The following PSMB3 variants were observed in gnomAD, a reference collection of about 807,000 sequenced individuals.
PSMB3 encodes proteasome 20S subunit beta 3.
Under a neutral mutation model 23.3 loss-of-function variants are expected in PSMB3, and 5 were observed. That is an observed-to-expected ratio of 0.21 (90% CI 0.11 to 0.45). The LOEUF is 0.45. PSMB3 is among the 20% of genes least tolerant of loss of function. The probability of loss-of-function intolerance (pLI) is 0.99; values close to 1 mark genes in which losing one functional copy is unlikely to be tolerated. For synonymous variants in PSMB3, 85 were observed against 99.8 expected (o/e 0.85, Z 0.88); for missense variants, 192 against 277.9 (o/e 0.69, Z 2.20).
chr17:38,757,547 T>C (rs750167906), intron 3 of PSMB3, among the ~76,000 whole-genome samples: 1 of 151,808 alleles, frequency 6.6e-6, no homozygotes, highest in Non-Finnish European at 1.5e-5. Context: ...TCGGGCGTGG[T>C]GGCTCATGCC....
intron 3 of PSMB3, among the ~76,000 whole-genome samples, chr17:38,758,827 A>C (rs1421396226): frequency 6.6e-6 from 1 of 152,196 alleles, no homozygotes. Context: ...TGGGTGGATC[A>C]CAAGGTCAGG....
At chr17:38,763,231 G>GT (rs1436607664) in intron 5 of PSMB3, among the ~76,000 whole-genome samples, 1 of 151,974 alleles carries the variant, frequency 6.6e-6, no homozygotes, top group Admixed American at 6.6e-5. Context: ...TCACGTGCCT[G>GT]TAATCCCAGC....
At chr17:38,763,503 T>C (rs1908538993) in intron 5 of PSMB3, among the ~76,000 whole-genome samples, 1 of 138,070 alleles carries the variant, frequency 7.2e-6, no homozygotes. Context: ...CCCCCTTTTT[T>C]TTTTTTTTTT....
rs1908395315 is a variant in PSMB3 at position 38,760,614 on chromosome 17, T to C, written c.474+6T>C. On this transcript the variant is annotated splice_donor_region_variant and intron_variant, in intron 4 of 5. Coordinates refer to ENST00000619426, the MANE Select transcript of PSMB3 (RefSeq NM_002795.4). ...CCCTCTGGGAGCCCAACATGGTACG[T>C]TGGTGGCATGGAGAGGGGCTGGGCT... 1.2e-6 allele frequency: 2 copies of C among 1,614,076 alleles called. No individual in the cohort carries two copies. Among genetic ancestry groups the C allele is most frequent in the South Asian group, 1.1e-5 (1 of 91,092 alleles).
rs764625412 is a variant in PSMB3, at chr17:38,764,156, C to G, written c.607C>G (p.Arg203Gly). ...DKITTRTLKARMD is the reference protein window; with the variant it reads ...DKITTRTLKAGMD ...AATCACCACCAGGACACTGAAGGCCCGAATGGACTAACCCTGTTCCCAGAG... is the reference window on the plus strand; with the variant it reads ...AATCACCACCAGGACACTGAAGGCCGGAATGGACTAACCCTGTTCCCAGAG... The change falls in exon 6 of 6, where the codon CGA becomes GGA. Residue 203 changes from arginine to glycine, a missense_variant. Coordinates refer to ENST00000619426, the MANE Select transcript of PSMB3 (RefSeq NM_002795.4). The G allele has an allele frequency of 2.5e-6, 4 of 1,614,130 alleles. No homozygotes were observed. Among genetic ancestry groups the G allele is most frequent in the Non-Finnish European group, 3.4e-6 (4 of 1,180,014 alleles).
chr17:38,762,311 C>A, intron 4 of PSMB3, 100 bp from the exon 5 acceptor site: 1 of 987,162 alleles, frequency 1.0e-6, no homozygotes, highest in Non-Finnish European at 1.6e-6. Flanking sequence ...TGTCTTGGGG[C>A]CAGAGCTGGG....
intron 2 of PSMB3, among the ~76,000 whole-genome samples, chr17:38,754,906 G>GACCTTTTT: frequency 6.6e-6 from 1 of 152,180 alleles, no homozygotes; most frequent in Middle Eastern, 3.4e-3. Context: ...GGCAAGCTGT[G>GACCTTTTT]ACCTTTTTTC....
chr17:38,764,033 G>GGCTTGGT, intron 5 of PSMB3, 86 bp from the exon 6 acceptor site: 2 of 1,530,636 alleles, frequency 1.3e-6, no homozygotes, highest in South Asian at 1.1e-5. Flanking sequence ...AGGGCTTGAG[G>GGCTTGGT]GCTTGGTGCT....
At chr17:38,759,222 AGACATAGGAT>A (rs1242656183) in intron 3 of PSMB3, among the ~76,000 whole-genome samples, 2 of 152,246 alleles carry the variant, frequency 1.3e-5, no homozygotes, top group Non-Finnish European at 2.9e-5. Context: ...GGTATTTTGT[AGACATAGGAT>A]GCAAATACAC....
intron 2 of PSMB3, among the ~76,000 whole-genome samples, chr17:38,755,660 ATATAT>A (rs138478847): frequency 0.037 from 3,796 of 101,390 alleles, 126 homozygotes; most frequent in Non-Finnish European, 0.053. Context: ...AAAAAAAAAA[ATATAT>A]ATATATATAT....
intron 4 of PSMB3, among the ~76,000 whole-genome samples, chr17:38,761,859 T>C (rs1371355817): frequency 6.6e-6 from 1 of 152,092 alleles, no homozygotes; most frequent in African/African-American, 2.4e-5. Flanking sequence ...GCAAAGACAG[T>C]GGCAGTGGGG....
chr17:38,764,149 G>A lies in PSMB3; in HGVS notation c.600G>A (p.Leu200=), dbSNP rs753423343. ...AGGACAAAATCACCACCAGGACACTGAAGGCCCGAATGGACTAACCCTGTT... is the reference window on the plus strand; with the variant it reads ...AGGACAAAATCACCACCAGGACACTAAAGGCCCGAATGGACTAACCCTGTT... ...IEKDKITTRT[L]KARMD The change falls in exon 6 of 6, where the codon CTG becomes CTA. Residue 200 remains leucine (L), a synonymous_variant. Coordinates refer to ENST00000619426, the MANE Select transcript of PSMB3 (RefSeq NM_002795.4). 3.1e-6 allele frequency: 5 copies of A among 1,614,196 alleles called. No individual in the cohort carries two copies. The highest frequency in any genetic ancestry group is 4.5e-5 in the East Asian group (2 of 44,886).
intron 2 of PSMB3, among the ~76,000 whole-genome samples, chr17:38,754,195 C>T (rs1908060379): frequency 6.6e-6 from 1 of 151,988 alleles, no homozygotes; most frequent in Non-Finnish European, 1.5e-5. Flanking sequence ...TTCGGCTGGG[C>T]GCGGTGGCTC....
intron 2 of PSMB3, chr17:38,755,196 C>G (rs1327274544): frequency 2.6e-5 from 4 of 152,148 alleles, no homozygotes; most frequent in Non-Finnish European, 4.4e-5. Context: ...CAGCTGAACT[C>G]CTGAGCTCAA....
chr17:38,755,814 G>A (rs1447777695), intron 2 of PSMB3, 69 bp from the exon 3 acceptor site: 7 of 1,347,932 alleles, frequency 5.2e-6, no homozygotes, highest in Non-Finnish European at 7.4e-6. Context: ...ATGTTTCCCT[G>A]ACCTCAACAG....
At chr17:38,758,887 AT>A (rs1284060777) in intron 3 of PSMB3, among the ~76,000 whole-genome samples, 3 of 152,182 alleles carry the variant, frequency 2.0e-5, no homozygotes, top group African/African-American at 7.2e-5. Flanking sequence ...TGTACTAAAA[AT>A]ACAAAACATT....
chr17:38,758,532 G>A (rs1007839207), intron 3 of PSMB3, among the ~76,000 whole-genome samples: 2 of 151,928 alleles, frequency 1.3e-5, no homozygotes, highest in Non-Finnish European at 2.9e-5. Context: ...GTAGAGACAG[G>A]GGTCTCACTT....
Position 38,753,194 on chromosome 17 carries a change from G to A in PSMB3, c.48G>A (p.Gly16=), listed in dbSNP as rs768202940. 9.9e-6 allele frequency: 16 copies of A among 1,614,108 alleles called. No individual in the cohort carries two copies. In the African/African-American group the frequency reaches 1.9e-4, roughly 19 times the overall value. The change falls in exon 2 of 6, where the codon GGG becomes GGA. Residue 16 remains glycine (G), a synonymous_variant. Transcript: ENST00000619426. ...GAGGGGCCGTCATGGCCATGAAGGG[G>A]AAGAACTGTGTGGCCATCGCTGCAG... ...YNGGAVMAMK[G]KNCVAIAADR...
At position 38,753,153 on chromosome 17, in the gene PSMB3, A is replaced by G. The variant is rs376644152; in HGVS notation, c.7A>G (p.Ile3Val). Residue 3 changes from isoleucine to valine, a missense_variant, in exon 2 of 6, where the codon ATT becomes GTT. By Grantham distance (29) the Ile-to-Val change is conservative. Coordinates refer to ENST00000619426, the MANE Select transcript of PSMB3 (RefSeq NM_002795.4). MS[I>V]MSYNGGAVMA... is the part of the protein sequence containing the mutation. ...CCCTCCGCTCTGTCTGTCCTAGTCT[A>G]TTATGTCCTATAACGGAGGGGCCGT... The G allele has an allele frequency of 1.4e-5, 23 of 1,613,732 alleles. No homozygotes were observed. In the African/African-American group the frequency reaches 2.7e-4, roughly 19 times the overall value.
Sources: allele counts gnomAD v4.1 joint callset (sites outside exome capture counted in the v4.1 genomes callset), GRCh38; gene constraint gnomAD v4.1.1; transcripts MANE v1.5; gene names NCBI Gene and HGNC (gene_info 2026-07-23, HGNC 2026-07-21).